GALNT10: variants seen among roughly 807,000 people sequenced by gnomAD.
The protein encoded by GALNT10 is polypeptide N-acetylgalactosaminyltransferase 10, also known as GalNAc transferase 10.
A neutral mutation model predicts 75.0 loss-of-function variants in GALNT10; 41 were observed. That is an observed-to-expected ratio of 0.55 (90% CI 0.43 to 0.71). The LOEUF is 0.71. GALNT10 is among the 30% of genes least tolerant of loss of function. The pLI is 0.00. For synonymous variants in GALNT10, 302 were observed against 313.0 expected (o/e 0.96, Z 0.37); for missense variants, 727 against 818.5 (o/e 0.89, Z 1.36).
At chr5:154,351,324 C>G (rs1283026647) in intron 4 of GALNT10, among the ~76,000 whole-genome samples, 1 of 152,244 alleles carries the variant, frequency 6.6e-6, no homozygotes, top group Non-Finnish European at 1.5e-5. Context: ...GGCCTGCCCT[C>G]AAACCACTCT....
intron 1 of GALNT10, among the ~76,000 whole-genome samples, chr5:154,253,080 T>C (rs1179032883): frequency 1.3e-5 from 2 of 151,374 alleles, no homozygotes; most frequent in Non-Finnish European, 1.5e-5. Flanking sequence ...CTTTGCTGAA[T>C]TTGTTGCCTC....
intron 1 of GALNT10, among the ~76,000 whole-genome samples, chr5:154,198,831 C>CT (rs929959540): frequency 2.0e-5 from 3 of 152,310 alleles, no homozygotes; most frequent in African/African-American, 4.8e-5. Flanking sequence ...ATCAGAGGCC[C>CT]TCTAGAAGAT....
chr5:154,210,931 T>G (rs1178165545), intron 1 of GALNT10, among the ~76,000 whole-genome samples: 3 of 152,074 alleles, frequency 2.0e-5, no homozygotes, highest in Non-Finnish European at 4.4e-5. Context: ...CACAAATGGC[T>G]TAGAAAAAAA....
chr5:154,370,807 A>T (rs1264337047), intron 4 of GALNT10, among the ~76,000 whole-genome samples: 1 of 152,192 alleles, frequency 6.6e-6, no homozygotes, highest in Non-Finnish European at 1.5e-5. Context: ...AGACTGCTCG[A>T]ACTGCTACAA....
chr5:154,398,355 C>T (rs1239911135), intron 7 of GALNT10, among the ~76,000 whole-genome samples: 1 of 152,248 alleles, frequency 6.6e-6, no homozygotes, highest in Non-Finnish European at 1.5e-5. Flanking sequence ...GTCTGCATCT[C>T]GAACAAGATG....
In GALNT10 at chr5:154,376,128, CCTT is replaced by C. The variant is rs2113172824; in HGVS notation, c.569-143_569-141del. 2 of 658,250 alleles carry C rather than the reference CCTT, an allele frequency of 3.0e-6. No individual in the cohort carries two copies. Among genetic ancestry groups the C allele is most frequent in the East Asian group, 2.7e-5 (1 of 36,382 alleles). The allele number at this position is 658,250 out of a possible 1,614,324, so 40.8% of individuals were successfully genotyped here. ...AGTACACAGGTGATGAGAACACTGC[CCTT>C]CTTCTCCCTGTCTGAAAGGTCTAGT... On this transcript the variant is annotated intron_variant, in intron 4 of 11. Coordinates refer to ENST00000297107, the MANE Select transcript of GALNT10 (RefSeq NM_198321.4). This position sits in a 1 kb window ranked among gnomAD's most constrained non-coding sequence, Gnocchi z 4.1.
At chr5:154,370,349 A>T (rs1349888088) in intron 4 of GALNT10, among the ~76,000 whole-genome samples, 2 of 152,216 alleles carry the variant, frequency 1.3e-5, no homozygotes, top group Non-Finnish European at 2.9e-5. Flanking sequence ...ATAAATATGC[A>T]GGGTAATCTG....
chr5:154,354,042 C>T (rs1400685993), intron 4 of GALNT10, among the ~76,000 whole-genome samples: 2 of 152,164 alleles, frequency 1.3e-5, no homozygotes, highest in Non-Finnish European at 2.9e-5. Flanking sequence ...TGAATCGCAA[C>T]CCACCAGTAC....
intron 9 of GALNT10, among the ~76,000 whole-genome samples, chr5:154,410,431 A>G (rs1582019221): frequency 6.6e-6 from 1 of 151,696 alleles, no homozygotes; most frequent in African/African-American, 2.4e-5. Context: ...ATGTGCCTGT[A>G]GTTGCAGCAA....
chr5:154,279,299 GTT>G (rs1398081050), intron 1 of GALNT10, among the ~76,000 whole-genome samples: 144 of 90,916 alleles, frequency 1.6e-3, no homozygotes, highest in African/African-American at 5.7e-3. Flanking sequence ...TGTTGTTGTT[GTT>G]TTGTTTTTTT....
At chr5:154,305,752 T>A (rs1456125031) in intron 3 of GALNT10, among the ~76,000 whole-genome samples, 1 of 152,186 alleles carries the variant, frequency 6.6e-6, no homozygotes, top group East Asian at 1.9e-4. Flanking sequence ...GCACAGTGGC[T>A]CTCACCTGTA....
intron 4 of GALNT10, among the ~76,000 whole-genome samples, chr5:154,330,857 C>T (rs572031474): frequency 1.3e-5 from 2 of 151,766 alleles, no homozygotes; most frequent in Non-Finnish European, 2.9e-5. Flanking sequence ...GTTTTAATAC[C>T]GCACTCTTAA....
chr5:154,195,286 C>T (rs573540176), intron 1 of GALNT10, among the ~76,000 whole-genome samples: 3 of 152,288 alleles, frequency 2.0e-5, no homozygotes, highest in Non-Finnish European at 2.9e-5. Context: ...GCAGAGGTTT[C>T]GTGTTTTACA....
At chr5:154,191,443 C>G (rs955817107) in intron 1 of GALNT10, among the ~76,000 whole-genome samples, 7 of 144,512 alleles carry the variant, frequency 4.8e-5, no homozygotes, top group East Asian at 2.0e-4. Context: ...CCACCCCCCC[C>G]CCCCCACAAC....
intron 1 of GALNT10, among the ~76,000 whole-genome samples, chr5:154,197,218 C>A (rs371476484): frequency 2.0e-5 from 3 of 152,276 alleles, no homozygotes; most frequent in African/African-American, 4.8e-5. Flanking sequence ...CTTACTTACC[C>A]GTTCTGCCGC....
chr5:154,251,957 T>C, intron 1 of GALNT10, among the ~76,000 whole-genome samples: 1 of 89,578 alleles, frequency 1.1e-5, no homozygotes, highest in Middle Eastern at 5.7e-3. Context: ...TTCATAAATA[T>C]ATAAATTAAA....
intron 1 of GALNT10, among the ~76,000 whole-genome samples, chr5:154,283,492 G>A (rs1754071842): frequency 1.3e-5 from 2 of 152,074 alleles, no homozygotes; most frequent in Non-Finnish European, 2.9e-5. Flanking sequence ...GAATACCAGA[G>A]TGACAGAGTG....
chr5:154,209,714 A>C (rs1434090477), intron 1 of GALNT10, among the ~76,000 whole-genome samples: 2 of 152,134 alleles, frequency 1.3e-5, no homozygotes, highest in Non-Finnish European at 2.9e-5. Context: ...TTACCTTCCA[A>C]AGGCCCCATC....
intron 3 of GALNT10, among the ~76,000 whole-genome samples, chr5:154,320,201 T>G (rs1040396877): frequency 2.0e-5 from 3 of 152,176 alleles, no homozygotes; most frequent in Non-Finnish European, 2.9e-5. Flanking sequence ...CAAAAAAAAT[T>G]TAAAAGACAG....
Sources: gnomAD v4.1 joint callset for allele counts (sites outside exome capture counted in the v4.1 genomes callset) on GRCh38, gnomAD v4.1.1 for gene constraint, Gnocchi (gnomAD v3.1) non-coding constraint, MANE v1.5 for transcripts, NCBI Gene and HGNC (gene_info 2026-07-23, HGNC 2026-07-21) for gene names.